KIF1A: variants seen among roughly 807,000 people sequenced by gnomAD.
KIF1A encodes kinesin family member 1A.
KIF1A carries 46 observed loss-of-function variants against 227.3 expected under a neutral mutation model. The ratio of observed to expected loss-of-function variants is 0.20; its 90% CI spans 0.16 to 0.26. KIF1A has a LOEUF of 0.26. KIF1A is among the 10% of genes least tolerant of loss of function. The probability of loss-of-function intolerance (pLI) is 1.00; values close to 1 mark genes in which losing one functional copy is unlikely to be tolerated. For synonymous variants in KIF1A, 1,022 were observed against 1,012.8 expected, an observed-to-expected ratio of 1.01 and a Z score of -0.17; for missense variants, 1,683 against 2,485.9, an observed-to-expected ratio of 0.68 and a Z score of 6.87.
chr2:240,749,407 C>G (rs573700601), intron 28 of KIF1A, among the ~76,000 whole-genome samples: 1 of 152,286 alleles, frequency 6.6e-6, no homozygotes, highest in African/African-American at 2.4e-5. Flanking sequence ...CAGCCAGGAG[C>G]CCCCCTGCAG....
rs1434373916 is a variant in KIF1A at position 240,717,009 on chromosome 2, G to A, written c.*355C>T. The stretch of plus-strand genomic sequence containing the variant: ...AACAAGTCTTATAGTTAATTTCCGA[G>A]TTGACTGTTTCAATGTCACTAACTA... On this transcript the variant is annotated 3_prime_UTR_variant, in exon 49 of 49. Transcript: ENST00000498729. 3.7e-6 allele frequency: 1 copy of A among 268,410 alleles called. No homozygotes were observed. Among genetic ancestry groups the A allele is most frequent in the Non-Finnish European group, 7.0e-6 (1 of 142,792 alleles). The allele number at this position is 268,410 out of a possible 1,614,324, so 16.6% of individuals were successfully genotyped here. A position where few individuals can be genotyped will look rare whatever the true frequency, so the allele number is the denominator to read the frequency against.
intron 1 of KIF1A, among the ~76,000 whole-genome samples, chr2:240,815,597 G>A (rs916945942): frequency 2.6e-5 from 4 of 152,170 alleles, no homozygotes; most frequent in Admixed American, 6.5e-5. Flanking sequence ...CAGAAAATGC[G>A]GTACCTGGGC....
At chr2:240,769,811 T>C (rs1046584445) in intron 15 of KIF1A, 105 bp from the exon 16 acceptor site, 3 of 879,804 alleles carry the variant, frequency 3.4e-6, no homozygotes, top group African/African-American at 3.3e-5. Context: ...ACAAGCGCCA[T>C]ATTCCTGGGC....
intron 1 of KIF1A, among the ~76,000 whole-genome samples, chr2:240,813,453 C>T (rs984760768): frequency 1.2e-4 from 19 of 152,208 alleles, no homozygotes; most frequent in Non-Finnish European, 4.4e-5. Flanking sequence ...GTGAGGCTAA[C>T]ATGGAAGCCC....
intron 5 of KIF1A, among the ~76,000 whole-genome samples, chr2:240,786,751 AGTGAGAGGGTAGGG>A (rs2054900575): frequency 1.8e-5 from 2 of 110,302 alleles, no homozygotes; most frequent in African/African-American, 7.6e-5. Flanking sequence ...TGGGCCCCTG[AGTGAGAGGGTAGGG>A]GCCACCATCA....
rs3772048 is a variant in KIF1A, at chr2:240,728,366, C to T, written c.4008-1426G>A. The T allele has an allele frequency of 0.016, 20,210 of 1,292,220 alleles. 1,845 individuals carry two copies. The East Asian group carries it at 0.34, about 22-fold the overall frequency. The allele number at this position is 1,292,220 out of a possible 1,614,324, so 80.0% of individuals were successfully genotyped here. ...CAGAAGAGGACAGACCAAGCAAGGGCGGAAGAGAAAAGTGAGCTGTACCTA... is the reference window on the plus strand; with the variant it reads ...CAGAAGAGGACAGACCAAGCAAGGGTGGAAGAGAAAAGTGAGCTGTACCTA... On this transcript the variant is annotated intron_variant, in intron 38 of 48. Coordinates refer to ENST00000498729, the MANE Select transcript of KIF1A (RefSeq NM_001244008.2).
At chr2:240,732,004 T>G (rs1185714409) in intron 38 of KIF1A, among the ~76,000 whole-genome samples, 1 of 67,988 alleles carries the variant, frequency 1.5e-5, no homozygotes, top group Non-Finnish European at 2.9e-5. Flanking sequence ...GAGGAGGGGA[T>G]GACGGGAGGA....
Position 240,758,529 on chromosome 2 carries a change from A to G in KIF1A, c.2445-32T>C. 1 of 1,528,794 alleles carries G rather than the reference A, an allele frequency of 6.5e-7. No individual in the cohort carries two copies. The highest frequency in any genetic ancestry group is 8.8e-7 in the Non-Finnish European group (1 of 1,135,312). The allele number at this position is 1,528,794 out of a possible 1,614,324, so 94.7% of individuals were successfully genotyped here. ...GGACGGCAGGGGTCAATGTGGACCCAGGCCCAGCGCTCAGCAGCTGGCACC... is the reference window on the plus strand; with the variant it reads ...GGACGGCAGGGGTCAATGTGGACCCGGGCCCAGCGCTCAGCAGCTGGCACC... On this transcript the variant is annotated intron_variant, in intron 25 of 48. Coordinates refer to ENST00000498729, the MANE Select transcript of KIF1A (RefSeq NM_001244008.2). This position sits in a 1 kb window ranked among gnomAD's most constrained non-coding sequence, Gnocchi z 5.2.
At chr2:240,729,356 C>A (rs1327527659) in intron 38 of KIF1A, among the ~76,000 whole-genome samples, 2 of 152,148 alleles carry the variant, frequency 1.3e-5, no homozygotes, top group Non-Finnish European at 2.9e-5. Context: ...CACCCCTGGG[C>A]CCCAGGATCA....
chr2:240,718,469 G>A (rs906638750), intron 47 of KIF1A, among the ~76,000 whole-genome samples: 1 of 152,204 alleles, frequency 6.6e-6, no homozygotes. Flanking sequence ...GCAGATGTGG[G>A]TTCACACCAC....
chr2:240,816,965 T>C (rs2106372647), intron 1 of KIF1A, among the ~76,000 whole-genome samples: 1 of 152,232 alleles, frequency 6.6e-6, no homozygotes, highest in Non-Finnish European at 1.5e-5. Context: ...GTGGGGGCAC[T>C]GGGGTGGCGA....
intron 45 of KIF1A, chr2:240,720,420 G>A (rs1042798899): frequency 1.9e-5 from 3 of 158,498 alleles, no homozygotes; most frequent in Admixed American, 6.2e-5. Context: ...TGATGCCACC[G>A]TCTTTCTTAT....
rs1324708371 is a variant in KIF1A, at chr2:240,736,472, C to G, written c.4007+591G>C. On this transcript the variant is annotated intron_variant, in intron 38 of 48. Transcript: ENST00000498729. The surrounding 1 kb of genome is among the most constrained non-coding windows in gnomAD (Gnocchi z 4.7). ...CCAACCGCAGGGGCTGCCTCCCTCT[C>G]CCATCCCCTAACCCCAGCAGACCCC... 6.6e-6 allele frequency among the ~76,000 whole-genome samples: 1 copy of G among 152,206 alleles called. No homozygotes were observed.
At chr2:240,803,413 A>C (rs968424379) in intron 1 of KIF1A, among the ~76,000 whole-genome samples, 6 of 152,162 alleles carry the variant, frequency 3.9e-5, no homozygotes, top group Non-Finnish European at 8.8e-5. Context: ...CTTGGGAGGG[A>C]CCCAGGCTTC....
chr2:240,750,709 G>A (rs1475597177), intron 27 of KIF1A, among the ~76,000 whole-genome samples, 162 bp from the exon 28 acceptor site: 2 of 152,220 alleles, frequency 1.3e-5, no homozygotes, highest in African/African-American at 4.8e-5. Context: ...AGCGGGCGGG[G>A]ACAGGCAGGG....
intron 43 of KIF1A, 81 bp downstream of exon 43, chr2:240,722,375 G>C: frequency 7.3e-7 from 1 of 1,371,118 alleles, no homozygotes; most frequent in Non-Finnish European, 1.0e-6. Context: ...GGCAAGGCCG[G>C]GTTGCTGGAG....
At chr2:240,741,588 C>T (rs978038219) in intron 34 of KIF1A, among the ~76,000 whole-genome samples, 1 of 152,228 alleles carries the variant, frequency 6.6e-6, no homozygotes, top group African/African-American at 2.4e-5. Context: ...CACATGGACG[C>T]TCACGTTCTC....
intron 1 of KIF1A, among the ~76,000 whole-genome samples, chr2:240,804,954 T>C (rs942381873): frequency 4.7e-5 from 7 of 147,572 alleles, no homozygotes; most frequent in African/African-American, 1.8e-4. Flanking sequence ...TACCAAACAC[T>C]GGGAGAAGCA....
chr2:240,802,252 A>G (rs1036096874), intron 1 of KIF1A, among the ~76,000 whole-genome samples: 3 of 152,238 alleles, frequency 2.0e-5, no homozygotes, highest in Admixed American at 1.3e-4. Flanking sequence ...TCGATTGTCA[A>G]GGATACATGT....
Sources: gnomAD v4.1 joint callset for allele counts (sites outside exome capture counted in the v4.1 genomes callset) on GRCh38, gnomAD v4.1.1 for gene constraint, Gnocchi (gnomAD v3.1) non-coding constraint, MANE v1.5 for transcripts, NCBI Gene and HGNC (gene_info 2026-07-23, HGNC 2026-07-21) for gene names.